Variants in SMYD3 observed in about 807,000 individuals in gnomAD.
SMYD3 encodes the protein histone-lysine N-methyltransferase SMYD3.
A neutral mutation model predicts 57.7 loss-of-function variants in SMYD3; 36 were observed. That is an observed-to-expected ratio of 0.62 (90% CI 0.48 to 0.82). The LOEUF (loss-of-function observed/expected upper bound fraction) is 0.82. Among genes scored for constraint, SMYD3 ranks in the 40% least tolerant of loss-of-function variants. SMYD3 has a pLI of 0.00. For synonymous variants in SMYD3, 211 were observed against 195.0 expected, an observed-to-expected ratio of 1.08 and a Z score of -0.68; for missense variants, 515 against 538.8, an observed-to-expected ratio of 0.96 and a Z score of 0.44.
intron 5 of SMYD3, among the ~76,000 whole-genome samples, chr1:246,279,517 CT>C: frequency 6.6e-6 from 1 of 152,138 alleles, no homozygotes; most frequent in Non-Finnish European, 1.5e-5. Flanking sequence ...AAGACTCCTT[CT>C]CAAAACAAAA....
At chr1:246,220,036 T>C (rs983093110) in intron 5 of SMYD3, among the ~76,000 whole-genome samples, 1 of 152,200 alleles carries the variant, frequency 6.6e-6, no homozygotes, top group African/African-American at 2.4e-5. Flanking sequence ...CAGGGAAATA[T>C]ACTGCTTCAT....
In SMYD3 at chr1:246,031,370, T is replaced by C. The variant is rs568955125; in HGVS notation, c.532-101433A>G. Among the ~76,000 whole-genome samples the C allele has an allele frequency of 1.2e-4, 18 of 152,192 alleles. No homozygotes were observed. The East Asian group carries it at 3.5e-3, about 29-fold the overall frequency. Reference sequence around the variant, plus strand: ...TATCAAGGTCAGAAACCAAATGAAGTATTAACTGGCAAAATCCATTATTAC... The same window carrying C: ...TATCAAGGTCAGAAACCAAATGAAGCATTAACTGGCAAAATCCATTATTAC... On this transcript the variant is annotated intron_variant, in intron 5 of 11. Transcript: ENST00000490107.
chr1:246,024,799 C>G (rs183909127), intron 5 of SMYD3, among the ~76,000 whole-genome samples: 1 of 101,398 alleles, frequency 9.9e-6, no homozygotes, highest in Non-Finnish European at 2.0e-5. Context: ...ACAGATACAG[C>G]AAGTGGACAG....
chr1:246,035,716 G>A (rs1162513854), intron 5 of SMYD3: 1 of 152,108 alleles, frequency 6.6e-6, no homozygotes, highest in Non-Finnish European at 1.5e-5. Flanking sequence ...CTGAAAATCA[G>A]TCTGCAACAT....
chr1:245,805,257 T>C (rs2048097008), intron 10 of SMYD3, among the ~76,000 whole-genome samples: 3 of 151,428 alleles, frequency 2.0e-5, no homozygotes, highest in South Asian at 2.1e-4. Context: ...ATGTTGATAA[T>C]ATAAGAGAGG....
At chr1:246,494,697 C>G (rs10924746) in intron 1 of SMYD3, among the ~76,000 whole-genome samples, 7,702 of 152,212 alleles carry the variant, frequency 0.051, 634 homozygotes, top group African/African-American at 0.18. Flanking sequence ...TCTAACAAGA[C>G]GTAAACACAG....
intron 5 of SMYD3, among the ~76,000 whole-genome samples, chr1:246,211,186 C>T (rs2063081196): frequency 6.6e-6 from 1 of 152,120 alleles, no homozygotes; most frequent in African/African-American, 2.4e-5. Context: ...GTCAGTATAA[C>T]ACCAGTGCTT....
chr1:245,849,904 T>A (rs1218176341), intron 10 of SMYD3, among the ~76,000 whole-genome samples: 2 of 152,174 alleles, frequency 1.3e-5, no homozygotes, highest in East Asian at 3.9e-4. Context: ...ATGCCTGCCT[T>A]GGCCTCCCAA....
intron 5 of SMYD3, among the ~76,000 whole-genome samples, chr1:246,210,528 G>T (rs1045947836): frequency 6.6e-6 from 1 of 151,946 alleles, no homozygotes; most frequent in Non-Finnish European, 1.5e-5. Context: ...TCACCAACAT[G>T]GCGAAACCCC....
At chr1:245,841,481 A>C (rs986346544) in intron 10 of SMYD3, among the ~76,000 whole-genome samples, 1 of 152,252 alleles carries the variant, frequency 6.6e-6, no homozygotes, top group Non-Finnish European at 1.5e-5. Flanking sequence ...TAACAATTAA[A>C]CATTTAAGTT....
At chr1:245,977,368 C>A (rs2058472270) in intron 5 of SMYD3, among the ~76,000 whole-genome samples, 1 of 152,176 alleles carries the variant, frequency 6.6e-6, no homozygotes, top group South Asian at 2.1e-4. Context: ...TGGAGGAAGT[C>A]CATCCTTAAT....
At chr1:245,993,745 T>A (rs966470647) in intron 5 of SMYD3, among the ~76,000 whole-genome samples, 9 of 151,942 alleles carry the variant, frequency 5.9e-5, no homozygotes, top group African/African-American at 2.2e-4. Context: ...GCTGGGGGAA[T>A]AGGGAATGGG....
chr1:245,764,450 G>A (rs1350797737), intron 10 of SMYD3, among the ~76,000 whole-genome samples: 1 of 152,012 alleles, frequency 6.6e-6, no homozygotes. Context: ...ATTTGGGAGG[G>A]GTGGGGCGGG....
At chr1:246,138,443 T>C (rs1217775825) in intron 5 of SMYD3, among the ~76,000 whole-genome samples, 1 of 149,288 alleles carries the variant, frequency 6.7e-6, no homozygotes, top group Non-Finnish European at 1.5e-5. Flanking sequence ...ATTTTTTTTC[T>C]GAGACGGAGT....
chr1:246,486,539 G>C (rs1282568652), intron 1 of SMYD3, among the ~76,000 whole-genome samples: 2 of 152,256 alleles, frequency 1.3e-5, no homozygotes, highest in East Asian at 1.9e-4. Context: ...TCTGGATTAA[G>C]TCATTTGCTC....
intron 5 of SMYD3, among the ~76,000 whole-genome samples, chr1:245,970,107 A>G (rs2148022595): frequency 6.6e-6 from 1 of 152,340 alleles, no homozygotes; most frequent in South Asian, 2.1e-4. Flanking sequence ...CTGGTACCAA[A>G]ACAGACGTAT....
intron 1 of SMYD3, among the ~76,000 whole-genome samples, chr1:246,422,368 T>C (rs892337229): frequency 2.0e-5 from 3 of 152,152 alleles, no homozygotes; most frequent in Non-Finnish European, 2.9e-5. Context: ...TCAGAAAGTA[T>C]AATCTCCTCG....
At chr1:246,238,578 C>G (rs977818254) in intron 5 of SMYD3, among the ~76,000 whole-genome samples, 22 of 152,134 alleles carry the variant, frequency 1.4e-4, no homozygotes, top group Admixed American at 1.4e-3. Flanking sequence ...GAAATGCAAT[C>G]TTATGCCATT....
At position 246,465,885 on chromosome 1, in the gene SMYD3, C is replaced by T. The variant is rs368914886; in HGVS notation, c.164+41169G>A. Among the ~76,000 whole-genome samples the T allele has an allele frequency of 1.6e-4, 24 of 152,272 alleles. No individual in the cohort carries two copies. In the South Asian group the frequency reaches 4.4e-3, roughly 28 times the overall value. On this transcript the variant is annotated intron_variant, in intron 1 of 11. Transcript: ENST00000490107. ...CTCCTGGGTTCAAGCAATTCTCGTG[C>T]GCCTGCCTACTGAGTAGCTGGGATT...
Sources: allele counts gnomAD v4.1 joint callset (sites outside exome capture counted in the v4.1 genomes callset), GRCh38; gene constraint gnomAD v4.1.1; transcripts MANE v1.5; gene names NCBI Gene and HGNC (gene_info 2026-07-23, HGNC 2026-07-21).